The following GPM6B variants were observed in gnomAD, a reference collection of about 807,000 sequenced individuals.
GPM6B encodes glycoprotein M6B.
In GPM6B, 4 loss-of-function variants were observed where a neutral mutation model predicts 27.2. The ratio of observed to expected loss-of-function variants is 0.15; its 90% confidence interval spans 0.07 to 0.34. GPM6B has a LOEUF of 0.34. GPM6B is among the 10% of genes least tolerant of loss of function. The pLI, the probability that GPM6B is intolerant of heterozygous loss-of-function variation, is 1.00. For synonymous variants in GPM6B, 124 were observed against 103.1 expected (o/e 1.20, Z -1.23); for missense variants, 183 against 261.9 (o/e 0.70, Z 2.08).
chrX:13,774,691 A>G, intron 7 of GPM6B: 6 of 877,351 alleles, frequency 6.8e-6, no homozygotes, highest in Non-Finnish European at 8.4e-6. Flanking sequence ...TGACACTTCT[A>G]AACTTGGGTG....
chrX:13,814,475 C>T (rs1002984664), intron 1 of GPM6B, among the ~76,000 whole-genome samples: 7 of 112,433 alleles, frequency 6.2e-5, no homozygotes, highest in African/African-American at 2.3e-4. Context: ...AAAACGGATC[C>T]ACCAGCTCAA....
intron 1 of GPM6B, among the ~76,000 whole-genome samples, chrX:13,876,879 G>A (rs2050038905): frequency 1.8e-5 from 2 of 110,848 alleles, no homozygotes; most frequent in Admixed American, 9.5e-5. Context: ...TCACCTCCTG[G>A]AATAACAGAC....
At chrX:13,778,014 G>T (rs934588189) in intron 5 of GPM6B, among the ~76,000 whole-genome samples, 2 of 108,132 alleles carry the variant, frequency 1.8e-5, no homozygotes, top group African/African-American at 6.7e-5. Flanking sequence ...TCTTATAAAC[G>T]TATTAGAAAA....
At chrX:13,838,784 G>A (rs374479297) in intron 1 of GPM6B, among the ~76,000 whole-genome samples, 1 of 111,668 alleles carries the variant, frequency 9.0e-6, no homozygotes. Context: ...CAGAACTACT[G>A]TAGCCTATTG....
intron 1 of GPM6B, among the ~76,000 whole-genome samples, chrX:13,816,061 C>T: frequency 8.9e-6 from 1 of 112,140 alleles, no homozygotes; most frequent in East Asian, 2.8e-4. Flanking sequence ...TATGGGACAT[C>T]AAACTTGAAA....
intron 1 of GPM6B, among the ~76,000 whole-genome samples, chrX:13,834,892 T>G (rs1325804829): frequency 1.8e-5 from 2 of 112,499 alleles, no homozygotes; most frequent in African/African-American, 6.5e-5. Flanking sequence ...CTCATCTGTT[T>G]ACTTAATGGA....
chrX:13,911,670 C>T (rs1165103865), intron 1 of GPM6B, among the ~76,000 whole-genome samples: 2 of 111,945 alleles, frequency 1.8e-5, no homozygotes, highest in African/African-American at 6.5e-5. Context: ...TCTGTTTCCA[C>T]GATCATGTAA....
At chrX:13,858,911 A>G (rs1355094347) in intron 1 of GPM6B, among the ~76,000 whole-genome samples, 1 of 112,077 alleles carries the variant, frequency 8.9e-6, no homozygotes, top group Non-Finnish European at 1.9e-5. Context: ...CATCCATTGT[A>G]CCTTTCATAG....
At chrX:13,863,063 C>A (rs749027013) in intron 1 of GPM6B, among the ~76,000 whole-genome samples, 3 of 111,707 alleles carry the variant, frequency 2.7e-5, no homozygotes, top group African/African-American at 9.8e-5. Context: ...TCTCCCCTCT[C>A]ATCTCTCTTC....
At chrX:13,794,551 C>T (rs1217104114) in intron 2 of GPM6B, among the ~76,000 whole-genome samples, 1 of 111,179 alleles carries the variant, frequency 9.0e-6, no homozygotes, top group East Asian at 2.8e-4. Context: ...TATAATAGCA[C>T]CAAGATGTTA....
rs896485579 is a variant in GPM6B, at chrX:13,874,604, G to T, written c.-198+63723C>A. Among the ~76,000 whole-genome samples the T allele has an allele frequency of 1.4e-4, 16 of 111,192 alleles. No individual in the cohort carries two copies. The Admixed American group carries it at 1.5e-3, about 11-fold the overall frequency. On this transcript the variant is annotated intron_variant, in intron 1 of 6. Coordinates refer to the GPM6B transcript ENST00000398361. The stretch of plus-strand genomic sequence containing the variant: ...ACATCCCTGTAATCCCAGGTACTTG[G>T]GAAGCCAGGGCAGGAGAATTGCTTG...
chrX:13,798,017 G>A (rs1438866232), intron 2 of GPM6B, among the ~76,000 whole-genome samples: 2 of 110,216 alleles, frequency 1.8e-5, no homozygotes, highest in East Asian at 5.8e-4. Flanking sequence ...AGAGTTGGGA[G>A]TGGCAGCCAC....
chrX:13,931,483 T>A (rs752503690), intron 1 of GPM6B, among the ~76,000 whole-genome samples: 25 of 107,545 alleles, frequency 2.3e-4, no homozygotes, highest in Non-Finnish European at 4.0e-4. Flanking sequence ...GTGAGACTCC[T>A]TCTCAAAAAA....
chrX:13,865,542 C>CAAAAAAAAAAAAAAAAAAAAAAAAA (rs1171503867), intron 1 of GPM6B, among the ~76,000 whole-genome samples: 7 of 14,616 alleles, frequency 4.8e-4, no homozygotes, highest in Non-Finnish European at 8.0e-4. Flanking sequence ...TCCATCTCTT[C>CAAAAAAAAAAAAAAAAAAAAAAAAA]AAAAAAAAAA....
chrX:13,911,732 G>A (rs902077908), intron 1 of GPM6B, among the ~76,000 whole-genome samples: 1 of 111,923 alleles, frequency 8.9e-6, no homozygotes, highest in African/African-American at 3.2e-5. Flanking sequence ...CACACCAAGA[G>A]GTTTACATAA....
At chrX:13,886,719 T>TAA (rs5901522) in intron 1 of GPM6B, among the ~76,000 whole-genome samples, 382 of 35,082 alleles carry the variant, frequency 0.011, 20 homozygotes, top group Middle Eastern at 0.022. Flanking sequence ...AAGTCACTAC[T>TAA]AAAAAAAAAA....
chrX:13,842,388 A>G (rs1226741469), intron 1 of GPM6B, among the ~76,000 whole-genome samples: 2 of 112,048 alleles, frequency 1.8e-5, no homozygotes, highest in African/African-American at 3.2e-5. Context: ...AATATATCAT[A>G]AAGTGCAAAT....
chrX:13,921,580 C>CTTTT (rs1328500233), intron 1 of GPM6B, among the ~76,000 whole-genome samples: 1 of 54,189 alleles, frequency 1.8e-5, no homozygotes, highest in African/African-American at 7.1e-5. Context: ...TAACCCCCCC[C>CTTTT]CTTTTTTTTT....
chrX:13,887,094 C>G (rs902646257), intron 1 of GPM6B, among the ~76,000 whole-genome samples: 1 of 112,442 alleles, frequency 8.9e-6, no homozygotes, highest in Non-Finnish European at 1.9e-5. Context: ...GCTGGGATTA[C>G]AGGCGTGAGT....
Sources: allele counts gnomAD v4.1 joint callset (sites outside exome capture counted in the v4.1 genomes callset), GRCh38; gene constraint gnomAD v4.1.1; transcripts MANE v1.5; gene names NCBI Gene and HGNC (gene_info 2026-07-23, HGNC 2026-07-21).